The following LRRC51 variants were observed in gnomAD, a reference collection of about 807,000 sequenced individuals.
The protein encoded by LRRC51 is leucine-rich repeat-containing protein 51.
Under a neutral mutation model 17.8 loss-of-function variants are expected in LRRC51, and 8 were observed. The ratio of observed to expected loss-of-function variants is 0.45; its 90% confidence interval spans 0.26 to 0.81. LRRC51 has a LOEUF of 0.81. Ranked by LOEUF, LRRC51 falls within the 30% of genes least tolerant of loss-of-function variation. LRRC51 has a pLI of 0.17. For synonymous variants in LRRC51, 92 were observed against 96.0 expected, an observed-to-expected ratio of 0.96 and a Z score of 0.24; for missense variants, 233 against 239.3, an observed-to-expected ratio of 0.97 and a Z score of 0.17.
chr11:72,086,318 G>T (rs1944529268), intron 1 of LRRC51: 1 of 685,074 alleles, frequency 1.5e-6, no homozygotes, highest in Admixed American at 2.1e-5. Context: ...TCATGACAGG[G>T]TTCTATTATT....
intron 1 of LRRC51, chr11:72,086,140 G>A (rs1353167166): frequency 2.2e-6 from 1 of 460,126 alleles, no homozygotes. Context: ...CCTAACACAG[G>A]ACACATTAAC....
chr11:72,085,192 T>G (rs556690986), intron 1 of LRRC51, among the ~76,000 whole-genome samples: 1 of 152,306 alleles, frequency 6.6e-6, no homozygotes, highest in East Asian at 1.9e-4. Flanking sequence ...TAAGCCAGAA[T>G]AGCAGATGGG....
intron 2 of LRRC51, 35 bp downstream of exon 2, chr11:72,088,415 G>A: frequency 2.8e-6 from 2 of 702,464 alleles, no homozygotes; most frequent in Non-Finnish European, 5.2e-6. Context: ...TTGTGTGTGT[G>A]TATGTTTATA....
chr11:72,085,044 AAC>A (rs1042416593), intron 1 of LRRC51, among the ~76,000 whole-genome samples: 3 of 152,176 alleles, frequency 2.0e-5, no homozygotes, highest in African/African-American at 4.8e-5. Flanking sequence ...TAAAAAACAA[AAC>A]AGTTAAAGAT....
At chr11:72,091,920 C>T (rs914131206) in intron 3 of LRRC51, among the ~76,000 whole-genome samples, 12 of 152,220 alleles carry the variant, frequency 7.9e-5, no homozygotes, top group Non-Finnish European at 1.5e-4. Flanking sequence ...TGGCTTCTGC[C>T]TCCAGGCCCT....
At chr11:72,082,313 C>G (rs1022196743) in intron 1 of LRRC51, among the ~76,000 whole-genome samples, 1 of 152,224 alleles carries the variant, frequency 6.6e-6, no homozygotes, top group African/African-American at 2.4e-5. Context: ...CTGGCCCTGA[C>G]TGGTCCACTT....
In LRRC51 at chr11:72,095,374, C is replaced by G. The variant is rs1003983425; in HGVS notation, c.438-5C>G. The G allele has an allele frequency of 2.5e-6, 4 of 1,613,976 alleles. No homozygotes were observed. Among genetic ancestry groups the G allele is most frequent in the Admixed American group, 3.3e-5 (2 of 60,028 alleles). On this transcript the variant is annotated splice_region_variant and splice_polypyrimidine_tract_variant and intron_variant, in intron 5 of 5. Coordinates refer to ENST00000289488, the MANE Select transcript of LRRC51 (RefSeq NM_145309.6). ...GCTGGCCCCCAGCCTAAGTCTTCCC[C>G]ACAGGCAATATGTGCTGTGCACCCT...
At position 72,089,100 on chromosome 11, in the gene LRRC51, A is replaced by G. The variant is rs771322616; in HGVS notation, c.17A>G (p.Tyr6Cys). 3 of 1,614,110 alleles carry G rather than the reference A, an allele frequency of 1.9e-6. No individual in the cohort carries two copies. Among genetic ancestry groups the G allele is most frequent in the East Asian group, 4.5e-5 (2 of 44,872 alleles). MNKRD[Y>C]MNTSVQEPPL... is the part of the protein sequence containing the mutation. ...GCCTGAACTATGAACAAACGGGACT[A>G]TATGAACACTTCGGTACAGGAGCCC... is the stretch of plus-strand genomic sequence containing the variant. Residue 6 changes from tyrosine to cysteine, a missense_variant, in exon 3 of 6, where the codon TAT becomes TGT. Transcript: ENST00000289488.
intron 1 of LRRC51, among the ~76,000 whole-genome samples, chr11:72,081,788 T>TA (rs1944223675): frequency 6.6e-6 from 1 of 152,198 alleles, no homozygotes; most frequent in Admixed American, 6.5e-5. Flanking sequence ...GCTCTACAGT[T>TA]AGAGCTTCAT....
chr11:72,085,381 A>C (rs940230520), intron 1 of LRRC51: 4 of 129,608 alleles, frequency 3.1e-5, no homozygotes, highest in Non-Finnish European at 6.4e-5. Flanking sequence ...ACCTTTAGTG[A>C]ATATGGATTT....
At chr11:72,082,972 TCTC>T (rs796850680) in intron 1 of LRRC51, among the ~76,000 whole-genome samples, 23 of 152,052 alleles carry the variant, frequency 1.5e-4, no homozygotes, top group African/African-American at 4.8e-4. Flanking sequence ...TTCAAGCAAT[TCTC>T]CTGTCTCAGC....
chr11:72,089,118 A>C lies in LRRC51; in HGVS notation c.35A>C (p.Gln12Pro). 6.2e-7 allele frequency: 1 copy of C among 1,614,144 alleles called. No homozygotes were observed. The highest frequency in any genetic ancestry group is 1.3e-5 in the African/African-American group (1 of 75,034). The change falls in exon 3 of 6, where the codon CAG becomes CCG. Residue 12 changes from glutamine to proline, a missense_variant. Transcript: ENST00000289488. ...CGGGACTATATGAACACTTCGGTAC[A>C]GGAGCCCCCTCTTGACTACTCCTTC... ...NKRDYMNTSV[Q>P]EPPLDYSFRS...
At chr11:72,083,232 C>T (rs887073777) in intron 1 of LRRC51, among the ~76,000 whole-genome samples, 1 of 152,140 alleles carries the variant, frequency 6.6e-6, no homozygotes, top group African/African-American at 2.4e-5. Context: ...CCAGTCTAAC[C>T]ATACATATTC....
At chr11:72,086,946 T>G (rs1387423735) in intron 1 of LRRC51, among the ~76,000 whole-genome samples, 1 of 152,348 alleles carries the variant, frequency 6.6e-6, no homozygotes, top group East Asian at 1.9e-4. Flanking sequence ...CCTCTAGTTC[T>G]GTAGTAGACA....
intron 3 of LRRC51, chr11:72,089,432 A>G (rs1321857405): frequency 7.2e-7 from 1 of 1,385,698 alleles, no homozygotes; most frequent in African/African-American, 1.5e-5. Flanking sequence ...CTGAAAGGAA[A>G]CAGGGGGCTA....
intron 2 of LRRC51, chr11:72,088,807 G>A: frequency 1.8e-6 from 1 of 541,970 alleles, no homozygotes; most frequent in South Asian, 2.1e-5. Context: ...AAAGAAATGG[G>A]TGTTCGATTC....
intron 1 of LRRC51, among the ~76,000 whole-genome samples, chr11:72,083,325 A>G (rs1944348955): frequency 6.6e-6 from 1 of 152,184 alleles, no homozygotes; most frequent in Non-Finnish European, 1.5e-5. Context: ...CTTTGCATAT[A>G]GCAGTCACAT....
rs1945118339 is a variant in LRRC51, at chr11:72,095,255, A to C, written c.438-124A>C. The C allele has an allele frequency of 2.5e-6, 4 of 1,586,982 alleles. 1 individual carries two copies. The highest frequency in any genetic ancestry group is 4.6e-5 in the East Asian group (2 of 43,658). ...CCTTGCTCTCAGTCAGGATAAACCTAATCTTTCCCAAACTATGCTCAAGTC... is the reference window on the plus strand; with the variant it reads ...CCTTGCTCTCAGTCAGGATAAACCTCATCTTTCCCAAACTATGCTCAAGTC... On this transcript the variant is annotated intron_variant, in intron 5 of 5. Transcript: ENST00000289488.
chr11:72,091,704 T>C (rs763210283), intron 3 of LRRC51, among the ~76,000 whole-genome samples: 7 of 152,224 alleles, frequency 4.6e-5, no homozygotes, highest in Non-Finnish European at 8.8e-5. Flanking sequence ...TCTCTCCTCC[T>C]CAGCCAAACT....
Sources: allele counts gnomAD v4.1 joint callset (sites outside exome capture counted in the v4.1 genomes callset), GRCh38; gene constraint gnomAD v4.1.1; transcripts MANE v1.5; gene names NCBI Gene and HGNC (gene_info 2026-07-23, HGNC 2026-07-21).